The following ARHGAP15 variants were observed in gnomAD, a reference collection of about 807,000 sequenced individuals.
The protein encoded by ARHGAP15 is Rho GTPase activating protein 15, also known as rho GTPase-activating protein 15.
In ARHGAP15, 51 loss-of-function variants were observed where a neutral mutation model predicts 63.7. The observed-to-expected ratio is 0.80, with a 90% CI of 0.64 to 1.01. ARHGAP15 has a LOEUF of 1.01. ARHGAP15 is among the 50% of genes least tolerant of loss of function. The pLI is 0.00. For missense variants in ARHGAP15, 560 were observed against 564.6 expected (o/e 0.99, Z 0.08); for synonymous variants, 191 against 193.8 (o/e 0.99, Z 0.12).
chr2:143,306,737 C>T (rs1683190182), intron 6 of ARHGAP15, among the ~76,000 whole-genome samples: 1 of 152,118 alleles, frequency 6.6e-6, no homozygotes. Flanking sequence ...TTTTGTTTTC[C>T]TCAGTGGGAG....
chr2:143,699,730 T>C (rs1684001503), intron 12 of ARHGAP15, among the ~76,000 whole-genome samples: 1 of 152,204 alleles, frequency 6.6e-6, no homozygotes, highest in African/African-American at 2.4e-5. Flanking sequence ...AATAGTATGC[T>C]AACTGCTGGG....
chr2:143,358,924 T>TAA (rs376665453), intron 6 of ARHGAP15, among the ~76,000 whole-genome samples: 77 of 142,736 alleles, frequency 5.4e-4, no homozygotes, highest in South Asian at 4.7e-3. Flanking sequence ...CTGTTTAATG[T>TAA]AAAAAAAAAA....
chr2:143,682,498 ATATG>A (rs545820494), intron 12 of ARHGAP15, among the ~76,000 whole-genome samples: 124 of 152,308 alleles, frequency 8.1e-4, no homozygotes, highest in African/African-American at 2.5e-3. Flanking sequence ...ATATATACAC[ATATG>A]TATGTGTGTG....
At chr2:143,347,987 CAG>C (rs1226240764) in intron 6 of ARHGAP15, among the ~76,000 whole-genome samples, 1 of 152,074 alleles carries the variant, frequency 6.6e-6, no homozygotes, top group African/African-American at 2.4e-5. Context: ...CCTAATAAAT[CAG>C]AGTGATGATC....
chr2:143,482,654 C>T (rs943186551), intron 8 of ARHGAP15, among the ~76,000 whole-genome samples: 1 of 152,134 alleles, frequency 6.6e-6, no homozygotes, highest in South Asian at 2.1e-4. Flanking sequence ...AACAGAAAAG[C>T]GTAAACTGTT....
At chr2:143,163,330 T>C (rs1317422413) in intron 2 of ARHGAP15, among the ~76,000 whole-genome samples, 1 of 151,892 alleles carries the variant, frequency 6.6e-6, no homozygotes, top group East Asian at 1.9e-4. Flanking sequence ...CTCTTCCTTG[T>C]ATACAGTAGA....
chr2:143,569,217 G>A (rs1024983290), intron 11 of ARHGAP15, among the ~76,000 whole-genome samples: 2 of 151,936 alleles, frequency 1.3e-5, no homozygotes, highest in African/African-American at 2.4e-5. Flanking sequence ...CTTCAAATGG[G>A]GATTTATTCA....
At chr2:143,535,521 T>C (rs958908260) in intron 10 of ARHGAP15, among the ~76,000 whole-genome samples, 3 of 152,222 alleles carry the variant, frequency 2.0e-5, no homozygotes, top group African/African-American at 7.2e-5. Context: ...AGAAATATTT[T>C]AAGAAAGAAT....
intron 11 of ARHGAP15, among the ~76,000 whole-genome samples, chr2:143,609,366 T>C (rs1470823989): frequency 3.3e-5 from 5 of 152,196 alleles, no homozygotes; most frequent in Non-Finnish European, 2.9e-5. Context: ...ATGTTAAGAA[T>C]GGAGTAGGCA....
intron 6 of ARHGAP15, among the ~76,000 whole-genome samples, chr2:143,278,011 T>A (rs1681647547): frequency 6.6e-6 from 1 of 152,190 alleles, no homozygotes; most frequent in Non-Finnish European, 1.5e-5. Flanking sequence ...AGGTTGTATT[T>A]GTTACATTTA....
intron 12 of ARHGAP15, among the ~76,000 whole-genome samples, chr2:143,686,374 A>C (rs1574839934): frequency 8.9e-6 from 1 of 112,422 alleles, no homozygotes; most frequent in South Asian, 3.5e-4. Flanking sequence ...ACAGAGCGAG[A>C]CTCTGTCTCA....
chr2:143,722,553 G>A (rs1258323654), intron 13 of ARHGAP15, among the ~76,000 whole-genome samples: 3 of 152,170 alleles, frequency 2.0e-5, no homozygotes, highest in African/African-American at 4.8e-5. Flanking sequence ...GTGTGCAATC[G>A]GAAGTCTAAG....
At chr2:143,429,869 T>G (rs907345407) in intron 6 of ARHGAP15, among the ~76,000 whole-genome samples, 5 of 152,284 alleles carry the variant, frequency 3.3e-5, no homozygotes, top group African/African-American at 9.6e-5. Flanking sequence ...ACTTGCAAAG[T>G]TTTTGCAGTC....
At chr2:143,414,024 T>C (rs1349087316) in intron 6 of ARHGAP15, among the ~76,000 whole-genome samples, 3 of 150,786 alleles carry the variant, frequency 2.0e-5, no homozygotes, top group African/African-American at 7.3e-5. Context: ...TGAAACGTTT[T>C]GCTTGATGGA....
chr2:143,238,753 T>A (rs890909306), intron 5 of ARHGAP15, among the ~76,000 whole-genome samples: 1 of 152,190 alleles, frequency 6.6e-6, no homozygotes, highest in African/African-American at 2.4e-5. Context: ...TGTATGTTCA[T>A]TGCAGCACTG....
chr2:143,673,752 GTGTGTGTA>G (rs1202618910), intron 12 of ARHGAP15, among the ~76,000 whole-genome samples: 1 of 32,918 alleles, frequency 3.0e-5, no homozygotes, highest in Non-Finnish European at 7.4e-5. Context: ...GTGTGTGTGT[GTGTGTGTA>G]TATATATATA....
intron 8 of ARHGAP15, among the ~76,000 whole-genome samples, chr2:143,481,879 A>G (rs1056256329): frequency 2.0e-5 from 3 of 152,168 alleles, no homozygotes; most frequent in Non-Finnish European, 4.4e-5. Flanking sequence ...TGGTGAGAGC[A>G]GTTTTAGCAC....
chr2:143,678,603 C>A (rs1321740670), intron 12 of ARHGAP15, among the ~76,000 whole-genome samples: 1 of 152,162 alleles, frequency 6.6e-6, no homozygotes, highest in African/African-American at 2.4e-5. Context: ...AATTCCTCTG[C>A]ATCATAGTTT....
At chr2:143,172,184 G>A (rs554818844) in intron 2 of ARHGAP15, 27 of 152,222 alleles carry the variant, frequency 1.8e-4, no homozygotes, top group Non-Finnish European at 2.1e-4. Flanking sequence ...AAATGTTCAC[G>A]TTTAGCTTCA....
Sources: gnomAD v4.1 joint callset for allele counts (sites outside exome capture counted in the v4.1 genomes callset) on GRCh38, gnomAD v4.1.1 for gene constraint, MANE v1.5 for transcripts, NCBI Gene and HGNC (gene_info 2026-07-23, HGNC 2026-07-21) for gene names.